Variants in ADAM18 observed in about 807,000 individuals in gnomAD.
ADAM18 encodes the protein disintegrin and metalloproteinase domain-containing protein 18.
A neutral mutation model predicts 94.4 loss-of-function variants in ADAM18; 117 were observed. The observed-to-expected ratio is 1.24, with a 90% confidence interval of 1.07 to 1.45. The LOEUF (loss-of-function observed/expected upper bound fraction) is 1.45, where lower values mean the gene tolerates loss of function less well. ADAM18 is among the 40% of genes most tolerant of loss of function. The pLI, the probability that ADAM18 is intolerant of heterozygous loss-of-function variation, is 0.00. For synonymous variants in ADAM18, 327 were observed against 291.6 expected (o/e 1.12, Z -1.24); for missense variants, 936 against 880.0 (o/e 1.06, Z -0.81).
At chr8:39,708,812 C>T (rs139309318) in intron 18 of ADAM18, among the ~76,000 whole-genome samples, 3 of 152,336 alleles carry the variant, frequency 2.0e-5, no homozygotes, top group Admixed American at 1.3e-4. Context: ...GGAGGGAGAA[C>T]ACAGGTGCAG....
At chr8:39,622,807 A>G (rs1203447138) in intron 6 of ADAM18, among the ~76,000 whole-genome samples, 3 of 152,176 alleles carry the variant, frequency 2.0e-5, no homozygotes, top group South Asian at 2.1e-4. Flanking sequence ...GTCATACACA[A>G]CACACACTGA....
intron 6 of ADAM18, among the ~76,000 whole-genome samples, chr8:39,621,125 C>T (rs1819602349): frequency 6.6e-6 from 1 of 151,922 alleles, no homozygotes; most frequent in Non-Finnish European, 1.5e-5. Flanking sequence ...CATTAAGAGG[C>T]ATTTCACTGA....
chr8:39,638,879 A>G (rs1008314092), intron 10 of ADAM18, among the ~76,000 whole-genome samples: 1 of 152,004 alleles, frequency 6.6e-6, no homozygotes, highest in East Asian at 1.9e-4. Context: ...AGTTCAATAA[A>G]TAGCAAAAAT....
At chr8:39,585,162 C>G (rs1818361601) in intron 1 of ADAM18, 114 bp from the exon 2 acceptor site, 1 of 703,786 alleles carries the variant, frequency 1.4e-6, no homozygotes, top group African/African-American at 1.8e-5. Context: ...CATGAGAGAA[C>G]TTCTACTTAA....
chr8:39,657,595 C>T (rs538522468), intron 12 of ADAM18, among the ~76,000 whole-genome samples: 3 of 152,190 alleles, frequency 2.0e-5, no homozygotes, highest in East Asian at 1.9e-4. Flanking sequence ...GGATTACAGA[C>T]GTGAGCCACA....
At position 39,585,276 on chromosome 8, in the gene ADAM18, G is replaced by T. The variant is rs1563262687; in HGVS notation, c.56G>T (p.Gly19Val). 6.2e-7 allele frequency: 1 copy of T among 1,611,020 alleles called. No homozygotes were observed. Among genetic ancestry groups the T allele is most frequent in the Non-Finnish European group, 8.5e-7 (1 of 1,178,508 alleles). The change falls in exon 2 of 20, where the codon GGT becomes GTT. Residue 19 changes from glycine (G) to valine (V), a missense_variant and splice_region_variant. By Grantham distance (109) the Gly-to-Val change is moderately radical. Coordinates refer to ENST00000265707, the MANE Select transcript of ADAM18 (RefSeq NM_014237.3). ...TELGRLQAHE[G>V]SEGIFLHVTV... The stretch of plus-strand genomic sequence containing the variant: ...AAACAAACACATTTTCTTACTGCAG[G>T]TTCTGAAGGAATATTTCTGCATGTC...
intron 6 of ADAM18, among the ~76,000 whole-genome samples, chr8:39,618,997 G>A (rs1159554975): frequency 6.6e-6 from 1 of 151,864 alleles, no homozygotes; most frequent in Non-Finnish European, 1.5e-5. Context: ...AGTTTCAGGG[G>A]GTCTCCCTAC....
chr8:39,692,462 T>C (rs571784366), intron 16 of ADAM18, 138 bp from the exon 17 acceptor site: 1 of 429,536 alleles, frequency 2.3e-6, no homozygotes, highest in East Asian at 3.6e-5. Flanking sequence ...ATGTTAATCA[T>C]ATTAATATTA....
At chr8:39,666,396 T>C (rs1001215315) in intron 13 of ADAM18, among the ~76,000 whole-genome samples, 1 of 152,166 alleles carries the variant, frequency 6.6e-6, no homozygotes, top group Non-Finnish European at 1.5e-5. Flanking sequence ...TTGAAATATA[T>C]AGTTACAGGG....
chr8:39,695,516 T>A (rs1337127222), intron 17 of ADAM18, among the ~76,000 whole-genome samples: 1 of 151,424 alleles, frequency 6.6e-6, no homozygotes, highest in Non-Finnish European at 1.5e-5. Flanking sequence ...ATTACACTTT[T>A]TTGAAATATG....
At chr8:39,640,133 T>C (rs1232702710) in intron 10 of ADAM18, among the ~76,000 whole-genome samples, 1 of 152,056 alleles carries the variant, frequency 6.6e-6, no homozygotes, top group African/African-American at 2.4e-5. Flanking sequence ...CACATAGATA[T>C]TAAGCCCAAC....
intron 19 of ADAM18, among the ~76,000 whole-genome samples, chr8:39,727,898 G>A (rs765088023): frequency 1.6e-4 from 24 of 152,252 alleles, no homozygotes; most frequent in Admixed American, 8.5e-4. Context: ...ATGAGAAATT[G>A]AGGTCAATTT....
chr8:39,602,244 T>C (rs1382752749), intron 2 of ADAM18, among the ~76,000 whole-genome samples: 3 of 152,188 alleles, frequency 2.0e-5, no homozygotes, highest in East Asian at 1.9e-4. Context: ...TTTTATGTGA[T>C]TTTTTGGATG....
intron 10 of ADAM18, among the ~76,000 whole-genome samples, chr8:39,638,805 G>T (rs1820158701): frequency 2.0e-5 from 3 of 151,944 alleles, no homozygotes; most frequent in Admixed American, 2.0e-4. Context: ...ACGAACATTT[G>T]CTTTAGATTT....
intron 19 of ADAM18, 103 bp from the exon 20 acceptor site, chr8:39,729,795 A>G: frequency 1.0e-5 from 9 of 875,082 alleles, no homozygotes; most frequent in Non-Finnish European, 1.6e-5. Context: ...ATTTTTAGCA[A>G]TTATAAAGTA....
At chr8:39,599,570 C>A (rs1385241772) in intron 2 of ADAM18, among the ~76,000 whole-genome samples, 1 of 152,114 alleles carries the variant, frequency 6.6e-6, no homozygotes, top group Non-Finnish European at 1.5e-5. Context: ...TATATACACA[C>A]ACACACATTT....
intron 14 of ADAM18, among the ~76,000 whole-genome samples, chr8:39,676,757 G>T (rs555053674): frequency 6.6e-6 from 1 of 152,328 alleles, no homozygotes; most frequent in South Asian, 2.1e-4. Context: ...GACTGGAGTT[G>T]TTCCTATTCG....
At chr8:39,677,700 C>T (rs1281694315) in intron 15 of ADAM18, among the ~76,000 whole-genome samples, 164 bp downstream of exon 15, 2 of 151,724 alleles carry the variant, frequency 1.3e-5, no homozygotes, top group Non-Finnish European at 1.5e-5. Context: ...TATTATTTTC[C>T]CTTGATATCA....
chr8:39,632,775 A>G (rs1467074188), intron 7 of ADAM18, among the ~76,000 whole-genome samples: 2 of 152,192 alleles, frequency 1.3e-5, no homozygotes, highest in African/African-American at 4.8e-5. Context: ...GAAACCCTGT[A>G]GACCTTAAGT....
Sources: allele counts gnomAD v4.1 joint callset (sites outside exome capture counted in the v4.1 genomes callset), GRCh38; gene constraint gnomAD v4.1.1; transcripts MANE v1.5; gene names NCBI Gene and HGNC (gene_info 2026-07-23, HGNC 2026-07-21).